Variants in EYA2 observed in about 807,000 individuals in gnomAD.
The protein encoded by EYA2 is EYA transcriptional coactivator and phosphatase 2, also known as protein phosphatase EYA2.
A neutral mutation model predicts 69.2 loss-of-function variants in EYA2; 31 were observed. That is an observed-to-expected ratio of 0.45 (90% CI 0.34 to 0.60). The LOEUF is 0.60. Among genes scored for constraint, EYA2 ranks in the 20% least tolerant of loss-of-function variants. EYA2 has a pLI of 0.02. For missense variants in EYA2, 622 were observed against 701.2 expected, an observed-to-expected ratio of 0.89 and a Z score of 1.28; for synonymous variants, 257 against 279.4, an observed-to-expected ratio of 0.92 and a Z score of 0.80.
intron 9 of EYA2, among the ~76,000 whole-genome samples, chr20:47,119,626 T>C (rs1418190274): frequency 6.6e-6 from 1 of 152,196 alleles, no homozygotes; most frequent in East Asian, 1.9e-4. Flanking sequence ...AGAGCCAGAA[T>C]GAAGACTGTT....
chr20:46,997,486 G>A (rs1019738398), intron 2 of EYA2: 2 of 152,192 alleles, frequency 1.3e-5, no homozygotes, highest in Non-Finnish European at 2.9e-5. Context: ...AAATAGAGGA[G>A]GCACTCTACC....
intron 5 of EYA2, among the ~76,000 whole-genome samples, chr20:47,048,715 C>A (rs2030175121): frequency 6.6e-6 from 1 of 152,088 alleles, no homozygotes; most frequent in Admixed American, 6.5e-5. Flanking sequence ...CCAGTCTGGG[C>A]GACAAGAGTG....
intron 1 of EYA2, among the ~76,000 whole-genome samples, chr20:46,917,501 T>C (rs1984964132): frequency 6.6e-6 from 1 of 152,232 alleles, no homozygotes; most frequent in South Asian, 2.1e-4. Context: ...CTATGACCAC[T>C]GGCCCATTGC....
At chr20:47,114,446 C>A (rs555840160) in intron 9 of EYA2, among the ~76,000 whole-genome samples, 2 of 152,252 alleles carry the variant, frequency 1.3e-5, no homozygotes, top group African/African-American at 4.8e-5. Context: ...GAAACCCCGT[C>A]TCTACTAAAA....
At chr20:47,125,479 TTTTC>T (rs1396934211) in intron 9 of EYA2, among the ~76,000 whole-genome samples, 1 of 152,212 alleles carries the variant, frequency 6.6e-6, no homozygotes, top group Non-Finnish European at 1.5e-5. Context: ...TCAACTTATT[TTTTC>T]TTTATCAGCA....
At chr20:47,043,424 C>G (rs1176514716) in intron 5 of EYA2, among the ~76,000 whole-genome samples, 1 of 152,202 alleles carries the variant, frequency 6.6e-6, no homozygotes, top group African/African-American at 2.4e-5. Context: ...CAGCCAAGGA[C>G]TGGAAGTAGC....
At chr20:47,136,507 G>T (rs543454984) in intron 9 of EYA2, among the ~76,000 whole-genome samples, 2 of 152,214 alleles carry the variant, frequency 1.3e-5, no homozygotes, top group East Asian at 3.9e-4. Flanking sequence ...ACTTTGGGAG[G>T]CTGAGGCAAG....
chr20:47,071,943 G>T, intron 5 of EYA2: 1 of 537,774 alleles, frequency 1.9e-6, no homozygotes. Flanking sequence ...CAAGCACTTG[G>T]AAGCACCCAG....
In EYA2 at chr20:47,025,975, A is replaced by T. The variant is rs564385496; in HGVS notation, c.415+9678A>T. ...ACTGATTTGTATTTCCTTTCCTGTG[A>T]ACCAGGAGATTTGACTTTTAAAAGT... On this transcript the variant is annotated intron_variant, in intron 5 of 15. Transcript: ENST00000327619. 2.0e-5 allele frequency among the ~76,000 whole-genome samples: 3 copies of T among 152,366 alleles called. No homozygotes were observed. The South Asian group carries it at 6.2e-4, about 32-fold the overall frequency.
chr20:47,160,503 C>A (rs183626514), intron 10 of EYA2, among the ~76,000 whole-genome samples: 1 of 151,826 alleles, frequency 6.6e-6, no homozygotes, highest in East Asian at 1.9e-4. Flanking sequence ...GGGGGCGGTG[C>A]GGGCAGTGGA....
chr20:47,131,753 C>CGCAGA (rs1015635216), intron 9 of EYA2, among the ~76,000 whole-genome samples: 2 of 152,176 alleles, frequency 1.3e-5, no homozygotes, highest in Non-Finnish European at 2.9e-5. Flanking sequence ...TTCAAAGGAA[C>CGCAGA]GCAGCCCTGC....
intron 2 of EYA2, among the ~76,000 whole-genome samples, chr20:47,000,444 A>G (rs772822832): frequency 2.6e-5 from 4 of 152,218 alleles, no homozygotes; most frequent in Non-Finnish European, 5.9e-5. Flanking sequence ...AGAGCTCCAC[A>G]GCCTTAGGTT....
intron 4 of EYA2, among the ~76,000 whole-genome samples, chr20:47,014,800 G>T (rs1429703575): frequency 6.6e-6 from 1 of 152,068 alleles, no homozygotes; most frequent in Non-Finnish European, 1.5e-5. Flanking sequence ...TGTGTTATGT[G>T]TGTATTTGCT....
intron 10 of EYA2, chr20:47,161,556 T>A (rs2034066339): frequency 5.5e-6 from 2 of 363,514 alleles, no homozygotes; most frequent in East Asian, 1.8e-4. Context: ...CCACTCCTTG[T>A]CCTTGGTCTT....
At chr20:47,022,441 G>A (rs1282304605) in intron 5 of EYA2, among the ~76,000 whole-genome samples, 1 of 152,036 alleles carries the variant, frequency 6.6e-6, no homozygotes, top group Admixed American at 6.6e-5. Flanking sequence ...AGTCTCCCAA[G>A]TAGCTGGGAT....
chr20:47,183,244 C>T lies in EYA2; in HGVS notation c.1436-47C>T, dbSNP rs563821470. The T allele has an allele frequency of 2.7e-4, 431 of 1,581,170 alleles. 9 individuals carry two copies. The South Asian group carries it at 3.9e-3, about 14-fold the overall frequency. On this transcript the variant is annotated intron_variant, in intron 14 of 15. Coordinates refer to ENST00000327619, the MANE Select transcript of EYA2 (RefSeq NM_005244.5). ...TAATGAGCGGGTATTGGCTGCAATC[C>T]GGGGTCCTCACAGAGCGTTTTTTCT...
In EYA2 at chr20:47,004,443, A is replaced by G. The variant is rs532287456; in HGVS notation, c.156-499A>G. Among the ~76,000 whole-genome samples the G allele has an allele frequency of 2.6e-5, 4 of 152,172 alleles. No homozygotes were observed. In the East Asian group the frequency reaches 7.7e-4, roughly 29 times the overall value. ...TAGGATAGGCTATGCTACAGTAATC[A>G]GTAAACCTCGACATCTCAGTGGCTT... On this transcript the variant is annotated intron_variant, in intron 3 of 15. Coordinates refer to ENST00000327619, the MANE Select transcript of EYA2 (RefSeq NM_005244.5).
chr20:46,952,633 C>G (rs745624996), intron 1 of EYA2, among the ~76,000 whole-genome samples: 1 of 152,250 alleles, frequency 6.6e-6, no homozygotes, highest in Admixed American at 6.5e-5. Context: ...GTCCAGAGGC[C>G]GCACACAATG....
intron 9 of EYA2, among the ~76,000 whole-genome samples, chr20:47,141,049 C>G (rs2033583952): frequency 6.6e-6 from 1 of 152,220 alleles, no homozygotes; most frequent in East Asian, 1.9e-4. Context: ...CCTACTAGGC[C>G]TTACCTCCCA....
Sources: gnomAD v4.1 joint callset for allele counts (sites outside exome capture counted in the v4.1 genomes callset) on GRCh38, gnomAD v4.1.1 for gene constraint, MANE v1.5 for transcripts, NCBI Gene and HGNC (gene_info 2026-07-23, HGNC 2026-07-21) for gene names.